The following IBA57 variants were observed in gnomAD, a reference collection of about 807,000 sequenced individuals.
IBA57 encodes iron-sulfur cluster assembly factor IBA57.
A neutral mutation model predicts 20.4 loss-of-function variants in IBA57; 20 were observed. That is an observed-to-expected ratio of 0.98 (90% CI 0.69 to 1.42). The LOEUF is 1.42. IBA57 is among the 40% of genes most tolerant of loss of function. The probability of loss-of-function intolerance (pLI) is 0.00; values close to 1 mark genes in which losing one functional copy is unlikely to be tolerated. For synonymous variants in IBA57, 310 were observed against 233.9 expected (o/e 1.33, Z -2.97); for missense variants, 608 against 499.3 (o/e 1.22, Z -2.07).
In IBA57 at chr1:228,182,034, A is replaced by C; in HGVS notation, c.*6521A>C. ...GATGGTGCTAGCTTAGTTTGTGCGCATCGGCATTTGTGGGAGAAATGAAGG... is the reference window on the plus strand; with the variant it reads ...GATGGTGCTAGCTTAGTTTGTGCGCCTCGGCATTTGTGGGAGAAATGAAGG... On this transcript the variant is annotated 3_prime_UTR_variant, in exon 3 of 3. Transcript: ENST00000366711. 1 of 152,276 alleles carries C rather than the reference A, an allele frequency of 6.6e-6. No homozygotes were observed. The highest frequency in any genetic ancestry group is 2.4e-5 in the African/African-American group (1 of 41,554). 9.4% of individuals were successfully genotyped at this position (152,276 alleles called of 1,614,324 possible).
At position 228,174,790 on chromosome 1, in the gene IBA57, G is replaced by A. The variant is rs1173578149; in HGVS notation, c.440G>A (p.Arg147Gln). ...QKHLALYRIRRKVTVEPHPEL... is the reference protein window; with the variant it reads ...QKHLALYRIRQKVTVEPHPEL... Reference sequence around the variant, plus strand: ...CACCTCGCGCTATACAGGATCCGGCGGAAGGTCACGGTGGAGCCGCACCCG... The same window carrying A: ...CACCTCGCGCTATACAGGATCCGGCAGAAGGTCACGGTGGAGCCGCACCCG... Residue 147 changes from arginine to glutamine, a missense_variant, in exon 2 of 3, where the codon CGG becomes CAG. By Grantham distance (43) the Arg-to-Gln change is conservative. Transcript: ENST00000366711. The A allele has an allele frequency of 1.9e-6, 3 of 1,610,936 alleles. No individual in the cohort carries two copies. Among genetic ancestry groups the A allele is most frequent in the East Asian group, 2.2e-5 (1 of 44,830 alleles).
rs1325470016 is a variant in IBA57, at chr1:228,165,899, G to T, written c.83G>T (p.Arg28Met). The T allele has an allele frequency of 2.8e-6, 4 of 1,412,398 alleles. No homozygotes were observed. In the South Asian group the frequency reaches 5.9e-5, roughly 21 times the overall value. The allele number at this position is 1,412,398 out of a possible 1,614,324, so 87.5% of individuals were successfully genotyped here. A position where few individuals can be genotyped will look rare whatever the true frequency, so the allele number is the denominator to read the frequency against. Residue 28 changes from arginine to methionine, a missense_variant, in exon 1 of 3, where the codon AGG (arginine) becomes ATG (methionine). Arg to Met is a moderately conservative substitution (Grantham distance 91, BLOSUM62 -1). Coordinates refer to ENST00000366711, the MANE Select transcript of IBA57 (RefSeq NM_001010867.4). ...VWRWRLRAAP[R>M]CRLAHSSCSP... is the part of the protein sequence containing the mutation. ...CGCTGGCGGCTGCGCGCGGCCCCAA[G>T]GTGCCGCCTGGCCCACAGCTCCTGC... is the stretch of plus-strand genomic sequence containing the variant.
intron 1 of IBA57, chr1:228,172,929 T>C (rs1354817369): frequency 2.0e-5 from 3 of 152,318 alleles, no homozygotes; most frequent in Non-Finnish European, 2.9e-5. Flanking sequence ...TTAGCCCACG[T>C]GTGTAAATGA....
Position 228,175,535 on chromosome 1 carries a change from G to A in IBA57, c.*22G>A. On this transcript the variant is annotated 3_prime_UTR_variant, in exon 3 of 3. Coordinates refer to ENST00000366711, the MANE Select transcript of IBA57 (RefSeq NM_001010867.4). Reference sequence around the variant, plus strand: ...GTAGTCCGAAGCCTTGGCTGGCGCAGGCTGATGGGGAGGCTGGGGCCTGGG... The same window carrying A: ...GTAGTCCGAAGCCTTGGCTGGCGCAAGCTGATGGGGAGGCTGGGGCCTGGG... 2.6e-6 allele frequency: 4 copies of A among 1,533,934 alleles called. No individual in the cohort carries two copies. The highest frequency in any genetic ancestry group is 2.6e-6 in the Non-Finnish European group (3 of 1,139,890).
intron 1 of IBA57, among the ~76,000 whole-genome samples, chr1:228,167,680 G>C (rs796670492): frequency 6.6e-6 from 1 of 152,216 alleles, no homozygotes; most frequent in Non-Finnish European, 1.5e-5. Flanking sequence ...GTCTGGAGTG[G>C]TAGAGTTGTG....
chr1:228,168,687 G>A (rs535507356), intron 1 of IBA57, among the ~76,000 whole-genome samples: 1 of 152,168 alleles, frequency 6.6e-6, no homozygotes, highest in South Asian at 2.1e-4. Flanking sequence ...TGGTGTGTCC[G>A]CCACTGTTCT....
At position 228,165,804 on chromosome 1, in the gene IBA57, A is replaced by G; in HGVS notation, c.-13A>G. 1 of 1,285,368 alleles carries G rather than the reference A, an allele frequency of 7.8e-7. No individual in the cohort carries two copies. Among genetic ancestry groups the G allele is most frequent in the South Asian group, 2.6e-5 (1 of 38,612 alleles). The allele number at this position is 1,285,368 out of a possible 1,614,324, so 79.6% of individuals were successfully genotyped here. A position where few individuals can be genotyped will look rare whatever the true frequency, so the allele number is the denominator to read the frequency against. ...TTCCTTGGGCCCTTCCCGCTGCCCC[A>G]CTCTTGTCCAAGATGGCGACCGCGG... On this transcript the variant is annotated 5_prime_UTR_variant, in exon 1 of 3. Transcript: ENST00000366711.
intron 2 of IBA57, 37 bp downstream of exon 2, chr1:228,175,066 G>T (rs770216473): frequency 6.4e-7 from 1 of 1,574,680 alleles, no homozygotes; most frequent in Non-Finnish European, 8.6e-7. Flanking sequence ...TGGATTGCAC[G>T]GGTGGAGCTG....
Position 228,177,154 on chromosome 1 carries a change from G to A in IBA57, c.*1641G>A, listed in dbSNP as rs1387356996. Reference sequence around the variant, plus strand: ...GTGCCTGTGGCCTGTGTCACCAAGAGCTGGTGTCTCCTGCATGAGGGGCAT... The same window carrying A: ...GTGCCTGTGGCCTGTGTCACCAAGAACTGGTGTCTCCTGCATGAGGGGCAT... On this transcript the variant is annotated 3_prime_UTR_variant, in exon 3 of 3. Coordinates refer to ENST00000366711, the MANE Select transcript of IBA57 (RefSeq NM_001010867.4). 6.6e-6 allele frequency: 1 copy of A among 152,360 alleles called. No homozygotes were observed. The highest frequency in any genetic ancestry group is 2.4e-5 in the African/African-American group (1 of 41,472). The allele number at this position is 152,360 out of a possible 1,614,324, so 9.4% of individuals were successfully genotyped here.
chr1:228,170,461 T>A lies in IBA57; in HGVS notation c.342-4231T>A, dbSNP rs956589105. Among the ~76,000 whole-genome samples, 9 of 152,140 alleles carry A rather than the reference T, an allele frequency of 5.9e-5. No homozygotes were observed. The highest frequency in any genetic ancestry group is 2.2e-4 in the African/African-American group (9 of 41,444). On this transcript the variant is annotated intron_variant, in intron 1 of 2. Transcript: ENST00000366711. This position sits in a 1 kb window ranked among gnomAD's most constrained non-coding sequence, Gnocchi z 4.8. ...GATCCTCCCACCTCAGCCTCCCAAG[T>A]AGCCAGGACTACAGGTAGTTGAGGT...
rs1374182592 is a variant in IBA57 at position 228,169,923 on chromosome 1, A to G, written c.341+3766A>G. Among the ~76,000 whole-genome samples, 10 of 152,024 alleles carry G rather than the reference A, an allele frequency of 6.6e-5. No homozygotes were observed. In the South Asian group the frequency reaches 8.3e-4, roughly 13 times the overall value. ...GCTCTGTCCCCCAGGCTGTAGTGCAATGGCGCAATCTCGGCTCACTGCAAC... is the reference window on the plus strand; with the variant it reads ...GCTCTGTCCCCCAGGCTGTAGTGCAGTGGCGCAATCTCGGCTCACTGCAAC... On this transcript the variant is annotated intron_variant, in intron 1 of 2. Coordinates refer to ENST00000366711, the MANE Select transcript of IBA57 (RefSeq NM_001010867.4).
At chr1:228,166,796 C>T (rs913092549) in intron 1 of IBA57, among the ~76,000 whole-genome samples, 13 of 152,244 alleles carry the variant, frequency 8.5e-5, no homozygotes, top group African/African-American at 1.7e-4. Flanking sequence ...TTCCAGGGAC[C>T]TGGATCCCTG....
rs1400118605 is a variant in IBA57, at chr1:228,174,188, G to A, written c.342-504G>A. ...GTGGGCGTGGCTCGCTGTGGGCGTG[G>A]CTCGCTGTGGGCGTGGCTCGCTGTG... On this transcript the variant is annotated intron_variant, in intron 1 of 2. Coordinates refer to ENST00000366711, the MANE Select transcript of IBA57 (RefSeq NM_001010867.4). Among the ~76,000 whole-genome samples, 4 of 66,860 alleles carry A rather than the reference G, an allele frequency of 6.0e-5. No homozygotes were observed. The East Asian group carries it at 1.4e-3, about 23-fold the overall frequency. 43.9% of individuals were successfully genotyped at this position (66,860 alleles called of 152,430 possible).
chr1:228,170,815 C>T lies in IBA57; in HGVS notation c.342-3877C>T, dbSNP rs2034913397. Among the ~76,000 whole-genome samples the T allele has an allele frequency of 6.6e-6, 1 of 152,096 alleles. No individual in the cohort carries two copies. Among genetic ancestry groups the T allele is most frequent in the South Asian group, 2.1e-4 (1 of 4,818 alleles). On this transcript the variant is annotated intron_variant, in intron 1 of 2. Transcript: ENST00000366711. This position sits in a 1 kb window ranked among gnomAD's most constrained non-coding sequence, Gnocchi z 4.8. ...TGAGGAGCAGGAGAGACTTGTCAGGCCTCTGGTGGCCTGGGGAGGAGGGAG... is the reference window on the plus strand; with the variant it reads ...TGAGGAGCAGGAGAGACTTGTCAGGTCTCTGGTGGCCTGGGGAGGAGGGAG...
rs1181261840 is a variant in IBA57 at position 228,174,971 on chromosome 1, G to A, written c.621G>A (p.Leu207=). The change falls in exon 2 of 3, where the codon CTG becomes CTA. Residue 207 remains leucine, a synonymous_variant. Coordinates refer to ENST00000366711, the MANE Select transcript of IBA57 (RefSeq NM_001010867.4). ...TCACCCAGGATGAAGGCCCAGCCCTGGTGCCCGGGGGCCGGCTCGGGGACT... is the reference window on the plus strand; with the variant it reads ...TCACCCAGGATGAAGGCCCAGCCCTAGTGCCCGGGGGCCGGCTCGGGGACT... ...RLLTQDEGPA[L]VPGGRLGDLW... The A allele has an allele frequency of 6.4e-7, 1 of 1,558,694 alleles. No homozygotes were observed. Among genetic ancestry groups the A allele is most frequent in the Non-Finnish European group, 8.7e-7 (1 of 1,149,908 alleles).
chr1:228,173,748 G>T (rs938133285), intron 1 of IBA57, among the ~76,000 whole-genome samples: 1 of 152,190 alleles, frequency 6.6e-6, no homozygotes, highest in Non-Finnish European at 1.5e-5. Context: ...CCCCTGCGGG[G>T]CCCTGCCCAT....
chr1:228,181,431 C>G lies in IBA57; in HGVS notation c.*5918C>G, dbSNP rs2035109910. 6.6e-6 allele frequency: 1 copy of G among 152,300 alleles called. No individual in the cohort carries two copies. Among genetic ancestry groups the G allele is most frequent in the Non-Finnish European group, 1.5e-5 (1 of 68,120 alleles). The allele number at this position is 152,300 out of a possible 1,614,324, so 9.4% of individuals were successfully genotyped here. A position where few individuals can be genotyped will look rare whatever the true frequency, so the allele number is the denominator to read the frequency against. On this transcript the variant is annotated 3_prime_UTR_variant, in exon 3 of 3. Transcript: ENST00000366711. ...CCATCAGGGCTCACCTGGAGCCGTCCCTGTCTCACCTGGAAGCTCTCCCAC... is the reference window on the plus strand; with the variant it reads ...CCATCAGGGCTCACCTGGAGCCGTCGCTGTCTCACCTGGAAGCTCTCCCAC...
intron 1 of IBA57, chr1:228,173,427 C>T (rs3795774): frequency 0.058 from 8,128 of 140,368 alleles, 341 homozygotes; most frequent in East Asian, 0.2. Flanking sequence ...CCCCACGCTG[C>T]CCAGCCTCTC....
rs2035122188 is a variant in IBA57, at chr1:228,182,234, AAAT to A, written c.*6724_*6726del. The A allele has an allele frequency of 6.6e-6, 1 of 151,654 alleles. No individual in the cohort carries two copies. The highest frequency in any genetic ancestry group is 1.5e-5 in the Non-Finnish European group (1 of 67,962). The allele number at this position is 151,654 out of a possible 1,614,324, so 9.4% of individuals were successfully genotyped here. A position where few individuals can be genotyped will look rare whatever the true frequency, so the allele number is the denominator to read the frequency against. On this transcript the variant is annotated 3_prime_UTR_variant, in exon 3 of 3. Transcript: ENST00000366711. Reference sequence around the variant, plus strand: ...TGTATTGAATGCTTATAGCCAATGAAAATAAAGTACACAGTATATTTTATTGCT... The same window carrying A: ...TGTATTGAATGCTTATAGCCAATGAAAAAGTACACAGTATATTTTATTGCT...
Sources: allele counts gnomAD v4.1 joint callset (sites outside exome capture counted in the v4.1 genomes callset), GRCh38; gene constraint gnomAD v4.1.1; non-coding constraint Gnocchi (gnomAD v3.1); transcripts MANE v1.5; gene names NCBI Gene and HGNC (gene_info 2026-07-23, HGNC 2026-07-21).